Variants in OSBPL9 observed in about 807,000 individuals in gnomAD.
OSBPL9 encodes oxysterol-binding protein-related protein 9.
OSBPL9 carries 40 observed loss-of-function variants against 106.6 expected under a neutral mutation model. The observed-to-expected ratio is 0.38, with a 90% CI of 0.29 to 0.49. The LOEUF (loss-of-function observed/expected upper bound fraction) is 0.49. Ranked by LOEUF, OSBPL9 falls within the 20% of genes least tolerant of loss-of-function variation. The probability of loss-of-function intolerance (pLI) is 0.97; values close to 1 mark genes in which losing one functional copy is unlikely to be tolerated. For synonymous variants in OSBPL9, 269 were observed against 295.4 expected, an observed-to-expected ratio of 0.91 and a Z score of 0.92; for missense variants, 609 against 887.2, an observed-to-expected ratio of 0.69 and a Z score of 3.98.
intron 8 of OSBPL9, among the ~76,000 whole-genome samples, chr1:51,754,069 G>A (rs1323642539): frequency 3.3e-5 from 5 of 152,238 alleles, no homozygotes; most frequent in African/African-American, 1.2e-4. Context: ...GGAGACTGCA[G>A]TGGAGCTGGG....
chr1:51,652,181 G>A (rs1646557389), intron 2 of OSBPL9, 140 bp downstream of exon 2: 4 of 613,654 alleles, frequency 6.5e-6, no homozygotes, highest in South Asian at 4.2e-5. Flanking sequence ...GAGAAAATGT[G>A]ATTTCTCCAA....
chr1:51,724,130 G>A (rs1662664541), intron 4 of OSBPL9, among the ~76,000 whole-genome samples: 1 of 151,948 alleles, frequency 6.6e-6, no homozygotes, highest in African/African-American at 2.4e-5. Context: ...ATTTTTAGTA[G>A]AGACAGGGTT....
intron 1 of OSBPL9, among the ~76,000 whole-genome samples, chr1:51,618,317 C>A (rs959628358): frequency 1.3e-5 from 2 of 152,158 alleles, no homozygotes; most frequent in Non-Finnish European, 2.9e-5. Context: ...CCGCGTCCGG[C>A]CTTGAATCTT....
At chr1:51,573,793 G>A (rs1289898488), upstream of OSBPL9, among the ~76,000 whole-genome samples, 1 of 144,228 alleles carries the variant, frequency 6.9e-6, no homozygotes, top group African/African-American at 2.6e-5. Context: ...CAGTCTGAGC[G>A]ACAGAGTGAG....
At chr1:51,770,544 T>C (rs1673642694) in intron 12 of OSBPL9, among the ~76,000 whole-genome samples, 1 of 152,172 alleles carries the variant, frequency 6.6e-6, no homozygotes, top group Admixed American at 6.5e-5. Flanking sequence ...TCCCAAAGTG[T>C]TGGAATTACA....
rs34137715 is a variant in OSBPL9 at position 51,720,792 on chromosome 1, ATTTTTTTTTT to A, written c.318+6727_318+6736del. Among the ~76,000 whole-genome samples, 8 of 101,132 alleles carry A rather than the reference ATTTTTTTTTT, an allele frequency of 7.9e-5. No individual in the cohort carries two copies. The East Asian group carries it at 1.8e-3, about 23-fold the overall frequency. The allele number at this position is 101,132 out of a possible 152,430, so 66.3% of individuals were successfully genotyped here. A position where few individuals can be genotyped will look rare whatever the true frequency, so the allele number is the denominator to read the frequency against. ...TATTTTTGGTGGTTATCAAATTGGAATTTTTTTTTTTTTTTTTTTTTTTGAGACGGAGTCT... is the reference window on the plus strand; with the variant it reads ...TATTTTTGGTGGTTATCAAATTGGAATTTTTTTTTTTTTGAGACGGAGTCT... On this transcript the variant is annotated intron_variant, in intron 4 of 23. Transcript: ENST00000428468.
At chr1:51,705,754 C>A (rs1316797280) in intron 3 of OSBPL9, among the ~76,000 whole-genome samples, 1 of 152,024 alleles carries the variant, frequency 6.6e-6, no homozygotes, top group Non-Finnish European at 1.5e-5. Context: ...TAGTAAATAA[C>A]CTTGTTCCAT....
At chr1:51,583,674 A>G (rs970192852) in intron 1 of OSBPL9, 1 of 152,208 alleles carries the variant, frequency 6.6e-6, no homozygotes, top group Non-Finnish European at 1.5e-5. Context: ...TCCATGATTC[A>G]CAGACAGTCT....
chr1:51,602,298 G>A (rs1361261973), intron 2 of OSBPL9, among the ~76,000 whole-genome samples: 2 of 151,810 alleles, frequency 1.3e-5, no homozygotes, highest in African/African-American at 2.4e-5. Context: ...GTGAGCCACC[G>A]CGCCCAGCCA....
rs1485907677 is a variant in OSBPL9, at chr1:51,782,716, A to G, written c.1513+73A>G. ...TCTAAAGAGGGTCATTAAAAGCGCC[A>G]TAGCTGAGGGTACTGTCAGTTGTGT... On this transcript the variant is annotated intron_variant, in intron 17 of 23. Coordinates refer to ENST00000428468, the MANE Select transcript of OSBPL9 (RefSeq NM_024586.6). 1.6e-5 allele frequency: 21 copies of G among 1,338,156 alleles called. 1 individual carries two copies. In the East Asian group the frequency reaches 3.0e-4, roughly 19 times the overall value. The allele number at this position is 1,338,156 out of a possible 1,614,324, so 82.9% of individuals were successfully genotyped here. A position where few individuals can be genotyped will look rare whatever the true frequency, so the allele number is the denominator to read the frequency against.
intron 4 of OSBPL9, among the ~76,000 whole-genome samples, chr1:51,733,779 A>G (rs772963103): frequency 5.7e-5 from 8 of 141,246 alleles, no homozygotes; most frequent in Non-Finnish European, 1.0e-4. Context: ...TGTCTCAAAA[A>G]CAAACAAAAA....
At chr1:51,741,772 C>G (rs1666972922) in intron 4 of OSBPL9, among the ~76,000 whole-genome samples, 1 of 152,000 alleles carries the variant, frequency 6.6e-6, no homozygotes, top group Non-Finnish European at 1.5e-5. Flanking sequence ...TGTTACATCA[C>G]AGACCATTTT....
Position 51,617,153 on chromosome 1 carries a change from G to A in OSBPL9, c.43G>A (p.Val15Met), listed in dbSNP as rs752290313. Residue 15 changes from valine (V) to methionine (M), a missense_variant, in exon 1 of 24, where the codon GTG becomes ATG. By Grantham distance (21) the Val-to-Met change is conservative. Coordinates refer to ENST00000428468, the MANE Select transcript of OSBPL9 (RefSeq NM_024586.6). ...AGGGCCGCTGAGCAAATGGACTAAC[G>A]TGATGAAGGGCTGGCAGTACCGTTG... ...MEGPLSKWTN[V>M]MKGWQYRWFV... 2 of 1,613,742 alleles carry A rather than the reference G, an allele frequency of 1.2e-6. No homozygotes were observed. Among genetic ancestry groups the A allele is most frequent in the South Asian group, 1.1e-5 (1 of 90,902 alleles).
chr1:51,762,345 G>A (rs1371662497), intron 11 of OSBPL9, among the ~76,000 whole-genome samples: 1 of 151,968 alleles, frequency 6.6e-6, no homozygotes, highest in Admixed American at 6.6e-5. Context: ...TTTAATTTTT[G>A]TAGAGAGGAG....
At chr1:51,766,089 T>G (rs1672495355) in intron 12 of OSBPL9, 108 bp downstream of exon 12, 1 of 1,153,116 alleles carries the variant, frequency 8.7e-7, no homozygotes, top group Non-Finnish European at 1.2e-6. Flanking sequence ...CAGTTATTAT[T>G]TGGGAAAATT....
chr1:51,676,824 G>A (rs1028052553), intron 3 of OSBPL9, among the ~76,000 whole-genome samples: 1 of 152,072 alleles, frequency 6.6e-6, no homozygotes, highest in Admixed American at 6.6e-5. Context: ...AAACCCAATT[G>A]GGCATTGTTA....
intron 2 of OSBPL9, among the ~76,000 whole-genome samples, chr1:51,605,997 G>A (rs750283067): frequency 1.9e-4 from 29 of 151,140 alleles, no homozygotes; most frequent in Admixed American, 2.0e-4. Flanking sequence ...GAGCGAGAGA[G>A]AGAGAGAGAG....
chr1:51,583,950 A>G (rs1645234556), intron 1 of OSBPL9, among the ~76,000 whole-genome samples: 1 of 152,144 alleles, frequency 6.6e-6, no homozygotes, highest in Non-Finnish European at 1.5e-5. Context: ...TTCAACAGTC[A>G]CTGCTGTCAC....
chr1:51,780,298 A>G (rs1319433812), intron 15 of OSBPL9, among the ~76,000 whole-genome samples: 3 of 152,166 alleles, frequency 2.0e-5, no homozygotes, highest in Non-Finnish European at 2.9e-5. Context: ...CCACTATGGA[A>G]AACAGAATAG....
Sources: allele counts gnomAD v4.1 joint callset (sites outside exome capture counted in the v4.1 genomes callset), GRCh38; gene constraint gnomAD v4.1.1; transcripts MANE v1.5; gene names NCBI Gene and HGNC (gene_info 2026-07-23, HGNC 2026-07-21).